The following EBF3 variants were observed in gnomAD, a reference collection of about 807,000 sequenced individuals.
EBF3 encodes transcription factor COE3.
A neutral mutation model predicts 77.1 loss-of-function variants in EBF3; 18 were observed. The observed-to-expected ratio is 0.23, with a 90% CI of 0.16 to 0.35. EBF3 has a LOEUF of 0.35. EBF3 is among the 10% of genes least tolerant of loss of function. EBF3 has a pLI of 1.00. For missense variants in EBF3, 558 were observed against 860.0 expected (o/e 0.65, Z 4.39); for synonymous variants, 350 against 343.5 (o/e 1.02, Z -0.21).
At chr10:129,949,595 G>A (rs1398596412) in intron 6 of EBF3, among the ~76,000 whole-genome samples, 2 of 152,150 alleles carry the variant, frequency 1.3e-5, no homozygotes, top group South Asian at 2.1e-4. Flanking sequence ...TGGGGAAGGC[G>A]CACGCTGCCT....
intron 4 of EBF3, among the ~76,000 whole-genome samples, chr10:129,959,379 C>T (rs1859302605): frequency 6.6e-6 from 1 of 151,928 alleles, no homozygotes; most frequent in African/African-American, 2.4e-5. Flanking sequence ...TCCCGGGCCC[C>T]TTCGGCATTC....
rs71481019 is a variant in EBF3 at position 129,917,651 on chromosome 10, C to CAAAAAAAAAAAAAAA, written c.554+39592_554+39606dup. On this transcript the variant is annotated intron_variant, in intron 6 of 16. Transcript: ENST00000440978. ...TGGGCACCACAGCAAGACCCTGCCT[C>CAAAAAAAAAAAAAAA]AAAAAAAAAAAAAAAAAAAAAAAAA... is the stretch of plus-strand genomic sequence containing the variant. 4.7e-4 allele frequency among the ~76,000 whole-genome samples: 11 copies of CAAAAAAAAAAAAAAA among 23,598 alleles called. 1 individual carries two copies. Among genetic ancestry groups the CAAAAAAAAAAAAAAA allele is most frequent in the South Asian group, 7.5e-3 (2 of 266 alleles). The allele number at this position is 23,598 out of a possible 152,430, so 15.5% of individuals were successfully genotyped here. A position where few individuals can be genotyped will look rare whatever the true frequency, so the allele number is the denominator to read the frequency against.
intron 6 of EBF3, among the ~76,000 whole-genome samples, chr10:129,890,706 A>G (rs1443772745): frequency 6.6e-6 from 1 of 152,224 alleles, no homozygotes; most frequent in Non-Finnish European, 1.5e-5. Flanking sequence ...AATATTTGCT[A>G]TGTATTTAGC....
rs1478707453 is a variant in EBF3 at position 129,920,108 on chromosome 10, CACT to C, written c.554+37147_554+37149del. On this transcript the variant is annotated intron_variant, in intron 6 of 16. Coordinates refer to ENST00000440978, the MANE Select transcript of EBF3 (RefSeq NM_001375380.1). ...CTCCAGGAGGGCCACAAACCCGCCC[CACT>C]GTGCGGTCTAGGGCCAGTATCTCCA... 4.0e-4 allele frequency among the ~76,000 whole-genome samples: 17 copies of C among 42,324 alleles called. 2 individuals are homozygous for C. Among genetic ancestry groups the C allele is most frequent in the African/African-American group, 9.2e-4 (11 of 11,944 alleles). The allele number at this position is 42,324 out of a possible 152,430, so 27.8% of individuals were successfully genotyped here.
intron 10 of EBF3, among the ~76,000 whole-genome samples, chr10:129,854,286 G>A (rs957258832): frequency 1.3e-5 from 2 of 152,038 alleles, no homozygotes; most frequent in Non-Finnish European, 2.9e-5. Flanking sequence ...AAAATCAATG[G>A]GGCGAGATCA....
chr10:129,855,626 C>A (rs949329640), intron 10 of EBF3, among the ~76,000 whole-genome samples: 3 of 152,128 alleles, frequency 2.0e-5, no homozygotes, highest in Non-Finnish European at 4.4e-5. Flanking sequence ...CCCTCAAGCT[C>A]CCCAAGAAGG....
At position 129,864,279 on chromosome 10, in the gene EBF3, G is replaced by C. The variant is rs541249327; in HGVS notation, c.1039+2862C>G. ...CAAAAGCAGGGCCCGGCCATGCTGGGAATTGGGGGGACGCTGACATCACAG... is the reference window on the plus strand; with the variant it reads ...CAAAAGCAGGGCCCGGCCATGCTGGCAATTGGGGGGACGCTGACATCACAG... On this transcript the variant is annotated intron_variant, in intron 10 of 16. Transcript: ENST00000440978. The surrounding 1 kb of genome is among the most constrained non-coding windows in gnomAD (Gnocchi z 4.4). Among the ~76,000 whole-genome samples the C allele has an allele frequency of 6.6e-6, 1 of 152,234 alleles. No individual in the cohort carries two copies. The highest frequency in any genetic ancestry group is 2.1e-4 in the South Asian group (1 of 4,814).
At chr10:129,910,012 C>A (rs1855412802) in intron 6 of EBF3, among the ~76,000 whole-genome samples, 1 of 152,226 alleles carries the variant, frequency 6.6e-6, no homozygotes, top group Non-Finnish European at 1.5e-5. Context: ...GATGACAGAT[C>A]CGCCGACACC....
intron 6 of EBF3, among the ~76,000 whole-genome samples, chr10:129,920,751 G>T (rs557456498): frequency 1.2e-4 from 19 of 152,374 alleles, no homozygotes; most frequent in Non-Finnish European, 1.5e-5. Context: ...CAGCAGGTGC[G>T]CTGCCAGATG....
chr10:129,931,725 A>G (rs893375432), intron 6 of EBF3, among the ~76,000 whole-genome samples: 8 of 152,242 alleles, frequency 5.3e-5, no homozygotes, highest in Non-Finnish European at 1.2e-4. Flanking sequence ...AACAGCACCA[A>G]TTTGAGCCCA....
At chr10:129,862,083 G>A (rs953255151) in intron 10 of EBF3, among the ~76,000 whole-genome samples, 1 of 152,110 alleles carries the variant, frequency 6.6e-6, no homozygotes, top group Non-Finnish European at 1.5e-5. Flanking sequence ...CCTCACCCAG[G>A]GCCAGGACAG....
Position 129,863,554 on chromosome 10 carries a change from C to T in EBF3, c.1039+3587G>A, listed in dbSNP as rs886655274. On this transcript the variant is annotated intron_variant, in intron 10 of 16. Transcript: ENST00000440978. The surrounding 1 kb of genome is among the most constrained non-coding windows in gnomAD (Gnocchi z 4.0). Reference sequence around the variant, plus strand: ...ACAGGTTCATTAGCCCTCCGCCTGGCGGCCCCAGCCGGCCTCACGTGGGGA... The same window carrying T: ...ACAGGTTCATTAGCCCTCCGCCTGGTGGCCCCAGCCGGCCTCACGTGGGGA... Among the ~76,000 whole-genome samples, 2 of 152,242 alleles carry T rather than the reference C, an allele frequency of 1.3e-5. No homozygotes were observed. Among genetic ancestry groups the T allele is most frequent in the African/African-American group, 2.4e-5 (1 of 41,472 alleles).
intron 10 of EBF3, among the ~76,000 whole-genome samples, chr10:129,852,573 A>G (rs924185589): frequency 2.0e-5 from 3 of 152,144 alleles, no homozygotes; most frequent in Non-Finnish European, 4.4e-5. Context: ...CCCCGCCCTG[A>G]GTTCATGTTG....
intron 6 of EBF3, among the ~76,000 whole-genome samples, chr10:129,954,597 C>T (rs1052533355): frequency 1.3e-5 from 2 of 152,178 alleles, no homozygotes; most frequent in African/African-American, 4.8e-5. Context: ...AAGGCAGTCT[C>T]AACGTGCCGG....
chr10:129,850,901 G>A (rs972216151), intron 10 of EBF3, among the ~76,000 whole-genome samples: 2 of 152,184 alleles, frequency 1.3e-5, no homozygotes, highest in Non-Finnish European at 2.9e-5. Context: ...TTCCCCGACG[G>A]GAGGAGAAAG....
chr10:129,839,261 G>A, intron 15 of EBF3, 66 bp from the exon 16 acceptor site: 1 of 763,334 alleles, frequency 1.3e-6, no homozygotes, highest in Non-Finnish European at 2.0e-6. Context: ...GGAGTAACTG[G>A]ATTTGAGTCA....
intron 6 of EBF3, among the ~76,000 whole-genome samples, chr10:129,951,439 C>A (rs1338953154): frequency 6.6e-6 from 1 of 152,254 alleles, no homozygotes; most frequent in Non-Finnish European, 1.5e-5. Context: ...CACCCCTGCA[C>A]GTTCATACCC....
rs771651104 is a variant in EBF3 at position 129,848,509 on chromosome 10, G to C, written c.1040-29C>G. On this transcript the variant is annotated intron_variant, in intron 10 of 16. Coordinates refer to ENST00000440978, the MANE Select transcript of EBF3 (RefSeq NM_001375380.1). This position sits in a 1 kb window ranked among gnomAD's most constrained non-coding sequence, Gnocchi z 4.4. ...CAACAGGACACAGAAATGTAGATCA[G>C]GTTAATTACTTTTATGTCATCCATT... 1 of 1,608,432 alleles carries C rather than the reference G, an allele frequency of 6.2e-7. No homozygotes were observed. The highest frequency in any genetic ancestry group is 8.5e-7 in the Non-Finnish European group (1 of 1,174,808).
At chr10:129,900,182 A>G (rs554705611) in intron 6 of EBF3, among the ~76,000 whole-genome samples, 1 of 152,326 alleles carries the variant, frequency 6.6e-6, no homozygotes, top group East Asian at 1.9e-4. Context: ...TGAAAGAGTC[A>G]TCATAAAGTA....
Sources: allele counts gnomAD v4.1 joint callset (sites outside exome capture counted in the v4.1 genomes callset), GRCh38; gene constraint gnomAD v4.1.1; non-coding constraint Gnocchi (gnomAD v3.1); transcripts MANE v1.5; gene names NCBI Gene and HGNC (gene_info 2026-07-23, HGNC 2026-07-21).